Variants in NUP153 observed in about 807,000 individuals in gnomAD.
The protein encoded by NUP153 is nucleoporin 153.
NUP153 carries 27 observed loss-of-function variants against 134.6 expected under a neutral mutation model. That is an observed-to-expected ratio of 0.20 (90% confidence interval 0.15 to 0.28). The LOEUF is 0.28. Among genes scored for constraint, NUP153 ranks in the 10% least tolerant of loss-of-function variants. The pLI is 1.00. For missense variants in NUP153, 1,821 were observed against 1,731.3 expected (o/e 1.05, Z -0.92); for synonymous variants, 640 against 623.5 (o/e 1.03, Z -0.40).
intron 11 of NUP153, among the ~76,000 whole-genome samples, chr6:17,661,388 T>A (rs10447411): frequency 6.6e-6 from 1 of 151,998 alleles, no homozygotes; most frequent in Non-Finnish European, 1.5e-5. Context: ...CAGACAAAAC[T>A]ATACAGTAAT....
intron 20 of NUP153, among the ~76,000 whole-genome samples, chr6:17,617,674 C>A (rs1049427924): frequency 1.3e-5 from 2 of 151,854 alleles, no homozygotes; most frequent in African/African-American, 4.8e-5. Context: ...GAGATCCTAT[C>A]TCTATAAAAA....
chr6:17,632,789 T>A lies in NUP153; in HGVS notation c.2520A>T (p.Gly840=), dbSNP rs762761006. The change falls in exon 17 of 22, where the codon GGA becomes GGT. Residue 840 remains glycine (G), a synonymous_variant. Transcript: ENST00000262077. ...TGAACTTTTCCAATCCTAGAGAGCCTCCAGAAGGCAGAGAGACAGGTACAG... is the reference window on the plus strand; with the variant it reads ...TGAACTTTTCCAATCCTAGAGAGCCACCAGAAGGCAGAGAGACAGGTACAG... ...SSTVPVSLPS[G]GSLGLEKFKK... 1.2e-5 allele frequency: 17 copies of A among 1,439,704 alleles called. No individual in the cohort carries two copies. The East Asian group carries it at 4.5e-4, about 38-fold the overall frequency. The allele number at this position is 1,439,704 out of a possible 1,614,324, so 89.2% of individuals were successfully genotyped here. A position where few individuals can be genotyped will look rare whatever the true frequency, so the allele number is the denominator to read the frequency against.
intron 5 of NUP153, among the ~76,000 whole-genome samples, chr6:17,673,457 G>A (rs906725509): frequency 8.5e-5 from 13 of 152,116 alleles, no homozygotes; most frequent in African/African-American, 3.1e-4. Flanking sequence ...TTTGTACCCT[G>A]AAAAATGAAC....
Position 17,706,621 on chromosome 6 carries a change from G to C in NUP153, c.-234C>G, listed in dbSNP as rs369129982. 14 of 567,428 alleles carry C rather than the reference G, an allele frequency of 2.5e-5. No homozygotes were observed. Among genetic ancestry groups the C allele is most frequent in the East Asian group, 9.4e-5 (3 of 31,766 alleles). The allele number at this position is 567,428 out of a possible 1,614,324, so 35.1% of individuals were successfully genotyped here. On this transcript the variant is annotated 5_prime_UTR_variant, in exon 1 of 22. Transcript: ENST00000262077. The surrounding 1 kb of genome is among the most constrained non-coding windows in gnomAD (Gnocchi z 5.9). ...CGGCCGCAGAGGCCGAGGAGGCTCC[G>C]GTCCGGCCGCCTCTGCGGACCCCCG... is the stretch of plus-strand genomic sequence containing the variant.
intron 1 of NUP153, among the ~76,000 whole-genome samples, chr6:17,689,724 CA>C (rs1769165542): frequency 6.6e-6 from 1 of 151,742 alleles, no homozygotes; most frequent in African/African-American, 2.4e-5. Flanking sequence ...GGGGTTTCTC[CA>C]TGTTGGTCAG....
chr6:17,660,985 C>T (rs1342278006), intron 11 of NUP153, among the ~76,000 whole-genome samples: 1 of 152,010 alleles, frequency 6.6e-6, no homozygotes, highest in African/African-American at 2.4e-5. Context: ...AGTTACCTTT[C>T]ACAATACAAC....
chr6:17,627,606 G>A (rs1261073963), intron 18 of NUP153, among the ~76,000 whole-genome samples: 4 of 152,072 alleles, frequency 2.6e-5, no homozygotes, highest in African/African-American at 9.7e-5. Flanking sequence ...AGAGATTCTT[G>A]TGCTTCAGCC....
At position 17,661,672 on chromosome 6, in the gene NUP153, G is replaced by C. The variant is rs565691944; in HGVS notation, c.1376C>G (p.Ser459Cys). 7 of 1,613,768 alleles carry C rather than the reference G, an allele frequency of 4.3e-6. No individual in the cohort carries two copies. In the African/African-American group the frequency reaches 5.3e-5, roughly 12 times the overall value. Residue 459 changes from serine (S) to cysteine (C), a missense_variant, in exon 11 of 22, where the codon TCT becomes TGT. Physicochemically the swap from Ser to Cys is moderately radical, Grantham distance 112 (BLOSUM62 -1). Coordinates refer to ENST00000262077, the MANE Select transcript of NUP153 (RefSeq NM_005124.4). The stretch of plus-strand genomic sequence containing the variant: ...CCCTACCTCCTCCTCCAGAGGTTTA[G>C]AAGCAACAAAGCGTGTTCTTTCTCG... Reference protein sequence around the residue: ...MRRERTRFVASKPLEEEEMEV... With the variant: ...MRRERTRFVACKPLEEEEMEV...
At chr6:17,693,711 C>T (rs1769437281) in intron 1 of NUP153, among the ~76,000 whole-genome samples, 2 of 152,094 alleles carry the variant, frequency 1.3e-5, no homozygotes, top group Admixed American at 1.3e-4. Flanking sequence ...CGTGGTGAAA[C>T]CCCAGCACTA....
At chr6:17,676,313 G>C (rs1053645863) in intron 2 of NUP153, among the ~76,000 whole-genome samples, 1 of 152,110 alleles carries the variant, frequency 6.6e-6, no homozygotes, top group Non-Finnish European at 1.5e-5. Context: ...CTCAATGATT[G>C]AGAAGCCACT....
At chr6:17,685,146 T>C (rs964925512) in intron 2 of NUP153, among the ~76,000 whole-genome samples, 6 of 152,258 alleles carry the variant, frequency 3.9e-5, no homozygotes, top group Admixed American at 6.5e-5. Context: ...TATGTATTTA[T>C]AAAATTAATA....
At chr6:17,695,553 A>T (rs1769580418) in intron 1 of NUP153, among the ~76,000 whole-genome samples, 3 of 152,224 alleles carry the variant, frequency 2.0e-5, no homozygotes, top group African/African-American at 7.2e-5. Flanking sequence ...CTGAAAAATC[A>T]ATGAGAAGTT....
intron 17 of NUP153, among the ~76,000 whole-genome samples, chr6:17,630,831 GAGC>G (rs1765215454): frequency 2.0e-5 from 3 of 151,620 alleles, no homozygotes; most frequent in Non-Finnish European, 4.4e-5. Flanking sequence ...AAAGAGAAGA[GAGC>G]AAGCATTATA....
chr6:17,659,904 G>T (rs1385297468), intron 11 of NUP153, among the ~76,000 whole-genome samples: 1 of 152,114 alleles, frequency 6.6e-6, no homozygotes, highest in Non-Finnish European at 1.5e-5. Flanking sequence ...TTCAGATAAT[G>T]ATATACAGTA....
chr6:17,665,228 C>T lies in NUP153; in HGVS notation c.1215+11G>A. The T allele has an allele frequency of 1.3e-6, 2 of 1,581,588 alleles. No individual in the cohort carries two copies. The highest frequency in any genetic ancestry group is 1.7e-6 in the Non-Finnish European group (2 of 1,151,464). On this transcript the variant is annotated intron_variant, in intron 9 of 21. Transcript: ENST00000262077. Reference sequence around the variant, plus strand: ...ATATTCAAAGACTGGTAGAAATATACATATACTCACACTGCACTTGTTATC... The same window carrying T: ...ATATTCAAAGACTGGTAGAAATATATATATACTCACACTGCACTTGTTATC...
chr6:17,706,243 C>T lies in NUP153; in HGVS notation c.111+34G>A, dbSNP rs758196257. 1 of 1,561,100 alleles carries T rather than the reference C, an allele frequency of 6.4e-7. No homozygotes were observed. Among genetic ancestry groups the T allele is most frequent in the Non-Finnish European group, 8.8e-7 (1 of 1,132,982 alleles). Reference sequence around the variant, plus strand: ...CGTCCCCTCCAGCCGAGTTTCCCCACCCGCCAGGCCACCGCGGCGTCGGGG... The same window carrying T: ...CGTCCCCTCCAGCCGAGTTTCCCCATCCGCCAGGCCACCGCGGCGTCGGGG... On this transcript the variant is annotated intron_variant, in intron 1 of 21. Coordinates refer to ENST00000262077, the MANE Select transcript of NUP153 (RefSeq NM_005124.4). The surrounding 1 kb of genome is among the most constrained non-coding windows in gnomAD (Gnocchi z 5.9).
At position 17,675,409 on chromosome 6, in the gene NUP153, C is replaced by T. The variant is rs1210941491; in HGVS notation, c.584-41G>A. On this transcript the variant is annotated intron_variant, in intron 3 of 21. Coordinates refer to ENST00000262077, the MANE Select transcript of NUP153 (RefSeq NM_005124.4). The surrounding 1 kb of genome is among the most constrained non-coding windows in gnomAD (Gnocchi z 4.4). ...ATAATCCATAGTAATAACACCAATA[C>T]AAGAGCCTAGATTTTTATAAATAGA... is the stretch of plus-strand genomic sequence containing the variant. The T allele has an allele frequency of 1.3e-6, 2 of 1,585,200 alleles. No homozygotes were observed. The highest frequency in any genetic ancestry group is 3.6e-5 in the Admixed American group (2 of 54,816).
chr6:17,627,751 A>G (rs1251217793), intron 18 of NUP153, among the ~76,000 whole-genome samples: 1 of 152,198 alleles, frequency 6.6e-6, no homozygotes, highest in Non-Finnish European at 1.5e-5. Context: ...TTAGCATGTG[A>G]TGTTACAAAT....
At chr6:17,626,831 A>G (rs760558718) in intron 18 of NUP153, among the ~76,000 whole-genome samples, 1 of 152,222 alleles carries the variant, frequency 6.6e-6, no homozygotes, top group Non-Finnish European at 1.5e-5. Context: ...AAGCTCTACA[A>G]AAATTCCCCT....
Sources: allele counts gnomAD v4.1 joint callset (sites outside exome capture counted in the v4.1 genomes callset), GRCh38; gene constraint gnomAD v4.1.1; non-coding constraint Gnocchi (gnomAD v3.1); transcripts MANE v1.5; gene names NCBI Gene and HGNC (gene_info 2026-07-23, HGNC 2026-07-21).